VWA3B: variants seen among roughly 807,000 people sequenced by gnomAD.
The protein encoded by VWA3B is von Willebrand factor A domain-containing protein 3B.
In VWA3B, 138 loss-of-function variants were observed where a neutral mutation model predicts 158.3. That is an observed-to-expected ratio of 0.87 (90% CI 0.76 to 1.00). VWA3B has a LOEUF of 1.00. Ranked by LOEUF, VWA3B falls within the 50% of genes least tolerant of loss-of-function variation. The pLI, the probability that VWA3B is intolerant of heterozygous loss-of-function variation, is 0.00. For synonymous variants in VWA3B, 596 were observed against 587.3 expected (o/e 1.01, Z -0.21); for missense variants, 1,555 against 1,565.1 (o/e 0.99, Z 0.11).
chr2:98,243,203 T>C (rs143397599), intron 19 of VWA3B, among the ~76,000 whole-genome samples: 2 of 152,256 alleles, frequency 1.3e-5, no homozygotes, highest in Admixed American at 6.5e-5. Flanking sequence ...ATGAACATTG[T>C]TCCATGCTGG....
At chr2:98,290,126 C>T (rs1321387894) in intron 22 of VWA3B, among the ~76,000 whole-genome samples, 1 of 152,110 alleles carries the variant, frequency 6.6e-6, no homozygotes, top group Non-Finnish European at 1.5e-5. Context: ...GTTTAATTGA[C>T]ACAGTTCATA....
At chr2:98,262,364 A>G (rs1356511614) in intron 21 of VWA3B, among the ~76,000 whole-genome samples, 5 of 151,904 alleles carry the variant, frequency 3.3e-5, no homozygotes, top group Non-Finnish European at 2.9e-5. Flanking sequence ...TGCCAAATTC[A>G]GTATAATGAA....
At chr2:98,210,620 G>A (rs758345188) in intron 12 of VWA3B, among the ~76,000 whole-genome samples, 13 of 152,212 alleles carry the variant, frequency 8.5e-5, no homozygotes, top group African/African-American at 2.2e-4. Flanking sequence ...GTCTGAGAAA[G>A]TCTTAATGGG....
At chr2:98,303,576 T>C (rs913723186) in intron 25 of VWA3B, 126 bp from the exon 26 acceptor site, 1 of 847,706 alleles carries the variant, frequency 1.2e-6, no homozygotes, top group Non-Finnish European at 1.9e-6. Context: ...AACTACTCTT[T>C]TAAGTGTCAC....
At chr2:98,228,099 G>A (rs1685056946) in intron 14 of VWA3B, 103 bp from the exon 15 acceptor site, 1 of 1,352,934 alleles carries the variant, frequency 7.4e-7, no homozygotes, top group Admixed American at 2.4e-5. Flanking sequence ...GACCAGCGTG[G>A]GCAACATAGT....
intron 13 of VWA3B, among the ~76,000 whole-genome samples, chr2:98,217,351 C>T (rs1684117966): frequency 6.6e-6 from 1 of 152,190 alleles, no homozygotes; most frequent in Non-Finnish European, 1.5e-5. Flanking sequence ...CCTCTCTCAG[C>T]TCTGGGGCTC....
chr2:98,293,074 C>T (rs1403591416), intron 23 of VWA3B, among the ~76,000 whole-genome samples: 1 of 152,096 alleles, frequency 6.6e-6, no homozygotes. Flanking sequence ...TGTAGAATGG[C>T]TCGAACTTCT....
At chr2:98,175,927 T>C (rs1224012054) in intron 8 of VWA3B, among the ~76,000 whole-genome samples, 1 of 152,216 alleles carries the variant, frequency 6.6e-6, no homozygotes, top group Non-Finnish European at 1.5e-5. Context: ...GATATGCTTA[T>C]TGCATGGTAC....
intron 19 of VWA3B, 81 bp downstream of exon 19, chr2:98,236,811 G>A: frequency 6.6e-7 from 1 of 1,511,984 alleles, no homozygotes; most frequent in East Asian, 2.3e-5. Context: ...TTTCTTGTGT[G>A]GTTGTAACAG....
At chr2:98,215,230 CAGG>C (rs1028781846) in intron 13 of VWA3B, among the ~76,000 whole-genome samples, 1 of 151,886 alleles carries the variant, frequency 6.6e-6, no homozygotes, top group Admixed American at 6.6e-5. Context: ...ATCACAAGGT[CAGG>C]AGATCAAGAC....
chr2:98,266,192 T>C (rs557514644), intron 21 of VWA3B, among the ~76,000 whole-genome samples: 19 of 151,836 alleles, frequency 1.3e-4, no homozygotes, highest in African/African-American at 4.1e-4. Context: ...AACGTTTAAG[T>C]CTTTAATCCA....
chr2:98,258,913 C>T (rs1687317711), intron 21 of VWA3B, among the ~76,000 whole-genome samples: 1 of 151,710 alleles, frequency 6.6e-6, no homozygotes, highest in African/African-American at 2.4e-5. Context: ...TGTTCCTGAT[C>T]CCAGTGAGAA....
At chr2:98,156,028 T>G (rs1678040785) in intron 7 of VWA3B, among the ~76,000 whole-genome samples, 1 of 152,178 alleles carries the variant, frequency 6.6e-6, no homozygotes, top group Non-Finnish European at 1.5e-5. Context: ...GGTTCCACCC[T>G]CAGAATGAGT....
At chr2:98,187,547 T>G (rs1033185081) in intron 9 of VWA3B, among the ~76,000 whole-genome samples, 5 of 152,094 alleles carry the variant, frequency 3.3e-5, no homozygotes, top group African/African-American at 1.2e-4. Flanking sequence ...TCGCTCTCTC[T>G]TCTTTACCAG....
At chr2:98,110,324 A>T (rs1284973410) in intron 2 of VWA3B, among the ~76,000 whole-genome samples, 1 of 151,870 alleles carries the variant, frequency 6.6e-6, no homozygotes, top group Non-Finnish European at 1.5e-5. Flanking sequence ...AATTTTGATT[A>T]TTCTATTTTT....
At position 98,236,449 on chromosome 2, in the gene VWA3B, C is replaced by T. The variant is rs766367859; in HGVS notation, c.2488C>T (p.Arg830Ter). Residue 830 changes from arginine (R) to a stop codon, truncating the protein, a stop_gained, in exon 18 of 28, where the codon CGA (arginine) becomes TGA (stop). Coordinates refer to ENST00000477737, the MANE Select transcript of VWA3B (RefSeq NM_144992.5). LOFTEE classifies it high-confidence loss of function. Reference sequence around the variant, plus strand: ...TGACAAATCGTCAGAAAAGGTGACGCGAGAAGGAAGCCAGGTTTATGACCA... The same window carrying T: ...TGACAAATCGTCAGAAAAGGTGACGTGAGAAGGAAGCCAGGTTTATGACCA... Reference protein sequence around the residue: ...LDDKSSEKVTREGSQVYDHDS... With the variant: ...LDDKSSEKVT The T allele has an allele frequency of 1.5e-5, 25 of 1,614,024 alleles. No individual in the cohort carries two copies. In the Admixed American group the frequency reaches 1.8e-4, roughly 12 times the overall value.
chr2:98,204,287 G>C (rs1437780716), intron 12 of VWA3B, among the ~76,000 whole-genome samples: 1 of 152,080 alleles, frequency 6.6e-6, no homozygotes, highest in Non-Finnish European at 1.5e-5. Context: ...AGAACTTCCA[G>C]TACTACATTG....
At position 98,155,332 on chromosome 2, in the gene VWA3B, T is replaced by A. The variant is rs190095593; in HGVS notation, c.989-7519T>A. On this transcript the variant is annotated intron_variant, in intron 7 of 27. Coordinates refer to ENST00000477737, the MANE Select transcript of VWA3B (RefSeq NM_144992.5). The stretch of plus-strand genomic sequence containing the variant: ...CCCCTTGAAGGAAAACGAAAAGTGA[T>A]CAACACACAACAGATGGGTTTGCTC... Among the ~76,000 whole-genome samples the A allele has an allele frequency of 1.1e-4, 16 of 152,310 alleles. No individual in the cohort carries two copies. In the East Asian group the frequency reaches 2.9e-3, roughly 28 times the overall value.
At chr2:98,105,905 T>C (rs947914003) in intron 2 of VWA3B, among the ~76,000 whole-genome samples, 5 of 151,980 alleles carry the variant, frequency 3.3e-5, no homozygotes, top group African/African-American at 1.2e-4. Flanking sequence ...TTTTTATTTA[T>C]TTATTTATTT....
Sources: gnomAD v4.1 joint callset for allele counts (sites outside exome capture counted in the v4.1 genomes callset) on GRCh38, gnomAD v4.1.1 for gene constraint, MANE v1.5 for transcripts, NCBI Gene and HGNC (gene_info 2026-07-23, HGNC 2026-07-21) for gene names.